The following KIAA1671 variants were observed in gnomAD, a reference collection of about 807,000 sequenced individuals.
KIAA1671 encodes the protein KIAA1671.
KIAA1671 carries 52 observed loss-of-function variants against 131.2 expected under a neutral mutation model. The ratio of observed to expected loss-of-function variants is 0.40; its 90% confidence interval spans 0.32 to 0.50. The LOEUF (loss-of-function observed/expected upper bound fraction) is 0.50, where lower values mean the gene tolerates loss of function less well. Ranked by LOEUF, KIAA1671 falls within the 20% of genes least tolerant of loss-of-function variation. The pLI, the probability that KIAA1671 is intolerant of heterozygous loss-of-function variation, is 0.73. For synonymous variants in KIAA1671, 1,003 were observed against 961.6 expected, an observed-to-expected ratio of 1.04 and a Z score of -0.80; for missense variants, 2,360 against 2,364.2, an observed-to-expected ratio of 1.00 and a Z score of 0.04.
intron 3 of KIAA1671, among the ~76,000 whole-genome samples, chr22:25,030,235 T>C (rs1234672770): frequency 1.3e-5 from 2 of 152,296 alleles, no homozygotes; most frequent in African/African-American, 2.4e-5. Context: ...CTAAGTCAGT[T>C]GGTTAATAAT....
At chr22:25,034,037 C>G (rs1364668541) in intron 4 of KIAA1671, among the ~76,000 whole-genome samples, 2 of 150,856 alleles carry the variant, frequency 1.3e-5, no homozygotes, top group African/African-American at 4.9e-5. Flanking sequence ...AAAGGTTCCT[C>G]ATGCCACTTT....
At chr22:24,972,672 TCC>T (rs1402809498) in intron 1 of KIAA1671, among the ~76,000 whole-genome samples, 1 of 151,898 alleles carries the variant, frequency 6.6e-6, no homozygotes, top group Non-Finnish European at 1.5e-5. Flanking sequence ...CTTCCTTCCT[TCC>T]TTCCAGCTCT....
At chr22:25,069,908 T>A (rs1447660218) in intron 6 of KIAA1671, 1 of 154,330 alleles carries the variant, frequency 6.5e-6, no homozygotes, top group Non-Finnish European at 1.4e-5. Context: ...CACACATACT[T>A]GACTCCACGT....
intron 1 of KIAA1671, among the ~76,000 whole-genome samples, chr22:25,005,003 T>C (rs1250212280): frequency 6.6e-6 from 1 of 151,434 alleles, no homozygotes; most frequent in Admixed American, 6.6e-5. Context: ...TCACTAACTG[T>C]CAATCAGTGA....
chr22:25,112,357 C>A (rs61997257), intron 6 of KIAA1671: 1 of 399,102 alleles, frequency 2.5e-6, no homozygotes, highest in African/African-American at 2.1e-5. Flanking sequence ...CCTTCCGACA[C>A]CTGGCTTCCC....
chr22:25,169,941 T>C (rs1330942196), intron 6 of KIAA1671, among the ~76,000 whole-genome samples: 1 of 152,170 alleles, frequency 6.6e-6, no homozygotes, highest in East Asian at 1.9e-4. Flanking sequence ...TTGTTTGAGA[T>C]GGAGTGTCTC....
intron 1 of KIAA1671, among the ~76,000 whole-genome samples, chr22:24,999,216 C>T (rs1924303128): frequency 6.6e-6 from 1 of 152,032 alleles, no homozygotes; most frequent in African/African-American, 2.4e-5. Context: ...ATTTTATAAT[C>T]AATATAGTGT....
At chr22:24,953,810 C>T (rs1921549044) in intron 1 of KIAA1671, among the ~76,000 whole-genome samples, 1 of 152,182 alleles carries the variant, frequency 6.6e-6, no homozygotes, top group Non-Finnish European at 1.5e-5. Flanking sequence ...CCTGCCGGGA[C>T]TGAACTTTCT....
intron 1 of KIAA1671, among the ~76,000 whole-genome samples, chr22:25,025,262 A>G (rs987186574): frequency 1.3e-5 from 2 of 151,988 alleles, no homozygotes; most frequent in Non-Finnish European, 2.9e-5. Flanking sequence ...ATTTGCCCCC[A>G]CATCCTGCAT....
chr22:25,076,054 G>GC (rs143960877), intron 6 of KIAA1671, among the ~76,000 whole-genome samples: 36,317 of 152,052 alleles, frequency 0.24, 4,952 homozygotes, highest in African/African-American at 0.37. Context: ...GGGATTACAG[G>GC]CGTGAGCCAC....
intron 1 of KIAA1671, among the ~76,000 whole-genome samples, chr22:24,975,846 T>C (rs2123820876): frequency 6.6e-6 from 1 of 152,284 alleles, no homozygotes; most frequent in East Asian, 1.9e-4. Flanking sequence ...TTTCATTCTA[T>C]TCCCCTGGCC....
In KIAA1671 at chr22:25,105,907, C is replaced by T. The variant is rs1930982607; in HGVS notation, c.4530+56543C>T. On this transcript the variant is annotated intron_variant, in intron 6 of 12. Transcript: ENST00000358431. ...CTTCTTTCTGCCGTGGTTTTTCCAT[C>T]AGTAAAATGTGAGTGATAACCATAT... Among the ~76,000 whole-genome samples the T allele has an allele frequency of 4.0e-5, 6 of 151,796 alleles. No homozygotes were observed. In the South Asian group the frequency reaches 1.0e-3, roughly 26 times the overall value.
chr22:25,146,307 G>T (rs1460036805), intron 6 of KIAA1671, among the ~76,000 whole-genome samples: 1 of 152,136 alleles, frequency 6.6e-6, no homozygotes, highest in Non-Finnish European at 1.5e-5. Context: ...TTAACACCTG[G>T]ACTTCCATAT....
chr22:25,003,941 C>T (rs182963082), intron 1 of KIAA1671, among the ~76,000 whole-genome samples: 16 of 151,886 alleles, frequency 1.1e-4, no homozygotes, highest in African/African-American at 3.9e-4. Context: ...CCTCAGCCTC[C>T]TGAGTAGCTG....
At chr22:25,047,905 G>A (rs1174681393) in intron 5 of KIAA1671, among the ~76,000 whole-genome samples, 1 of 152,234 alleles carries the variant, frequency 6.6e-6, no homozygotes, top group Non-Finnish European at 1.5e-5. Context: ...CCTAGCTCTT[G>A]AAGATTTACA....
chr22:25,011,629 CTTTTCT>C (rs1197709221), intron 1 of KIAA1671: 1 of 135,908 alleles, frequency 7.4e-6, no homozygotes, highest in African/African-American at 2.9e-5. Flanking sequence ...TCTTTCTTTT[CTTTTCT>C]TTTTTTTTTT....
In KIAA1671 at chr22:25,093,840, C is replaced by CTCTCTCTCTCTCTG. The variant is rs1930254897; in HGVS notation, c.4530+44489_4530+44490insGTCTCTCTCTCTCT. On this transcript the variant is annotated intron_variant, in intron 6 of 12. Transcript: ENST00000358431. The stretch of plus-strand genomic sequence containing the variant: ...TCTCTCTCTTTCTCTCTCTGTCTGT[C>CTCTCTCTCTCTCTG]TCTCTCTCTCTCTCTCTCTCTCTCT... 3.5e-5 allele frequency among the ~76,000 whole-genome samples: 2 copies of CTCTCTCTCTCTCTG among 57,056 alleles called. 1 individual carries two copies. The highest frequency in any genetic ancestry group is 1.2e-4 in the African/African-American group (2 of 17,360). The allele number at this position is 57,056 out of a possible 152,430, so 37.4% of individuals were successfully genotyped here. A position where few individuals can be genotyped will look rare whatever the true frequency, so the allele number is the denominator to read the frequency against.
intron 1 of KIAA1671, among the ~76,000 whole-genome samples, chr22:24,960,238 A>C (rs975244681): frequency 6.6e-6 from 1 of 151,662 alleles, no homozygotes; most frequent in African/African-American, 2.4e-5. Flanking sequence ...GAATGTGTTG[A>C]TTTACCTCAT....
intron 6 of KIAA1671, among the ~76,000 whole-genome samples, chr22:25,150,790 T>G (rs920621802): frequency 2.0e-5 from 3 of 151,582 alleles, no homozygotes; most frequent in Middle Eastern, 3.4e-3. Context: ...AAAATCATAA[T>G]GTGTGCGTAA....
Sources: gnomAD v4.1 joint callset for allele counts (sites outside exome capture counted in the v4.1 genomes callset) on GRCh38, gnomAD v4.1.1 for gene constraint, MANE v1.5 for transcripts, NCBI Gene and HGNC (gene_info 2026-07-23, HGNC 2026-07-21) for gene names.